Variants in ZFYVE9 observed in about 807,000 individuals in gnomAD.
ZFYVE9 encodes zinc finger FYVE domain-containing protein 9.
In ZFYVE9, 43 loss-of-function variants were observed where a neutral mutation model predicts 126.7. The observed-to-expected ratio is 0.34, with a 90% CI of 0.27 to 0.44. The LOEUF (loss-of-function observed/expected upper bound fraction) is 0.44, where lower values mean the gene tolerates loss of function less well. Ranked by LOEUF, ZFYVE9 falls within the 20% of genes least tolerant of loss-of-function variation. The pLI is 1.00. For missense variants in ZFYVE9, 1,476 were observed against 1,697.0 expected (o/e 0.87, Z 2.29); for synonymous variants, 521 against 597.4 (o/e 0.87, Z 1.87).
intron 4 of ZFYVE9, among the ~76,000 whole-genome samples, chr1:52,257,205 G>A (rs530418703): frequency 1.3e-5 from 2 of 152,182 alleles, no homozygotes; most frequent in South Asian, 4.1e-4. Context: ...AATAAGAAAG[G>A]TACCAACATA....
At chr1:52,332,709 C>T in intron 13 of ZFYVE9, 59 bp from the exon 14 acceptor site, 1 of 1,572,224 alleles carries the variant, frequency 6.4e-7, no homozygotes, top group East Asian at 2.3e-5. Flanking sequence ...TGGAGTTGCA[C>T]CATGTCAGAC....
At chr1:52,330,064 TAAAA>T (rs1195484001) in intron 13 of ZFYVE9, among the ~76,000 whole-genome samples, 4 of 151,024 alleles carry the variant, frequency 2.6e-5, no homozygotes, top group Non-Finnish European at 4.4e-5. Context: ...CCATAGTCTC[TAAAA>T]AAAAGACAAC....
At chr1:52,189,752 G>C (rs1027961657) in intron 1 of ZFYVE9, among the ~76,000 whole-genome samples, 2 of 151,528 alleles carry the variant, frequency 1.3e-5, no homozygotes, top group Admixed American at 6.6e-5. Flanking sequence ...TTGCTCCTAT[G>C]TTTTCTTTGA....
intron 10 of ZFYVE9, among the ~76,000 whole-genome samples, chr1:52,293,228 AG>A (rs1645940217): frequency 6.6e-6 from 1 of 151,910 alleles, no homozygotes; most frequent in Admixed American, 6.6e-5. Context: ...AATACAAAAA[AG>A]TTAGCCAGGT....
At chr1:52,208,396 C>G (rs1434891060) in intron 1 of ZFYVE9, among the ~76,000 whole-genome samples, 1 of 151,954 alleles carries the variant, frequency 6.6e-6, no homozygotes, top group Admixed American at 6.6e-5. Context: ...CTTTTTCTTT[C>G]TTTAAAGGTA....
chr1:52,300,882 CAG>C (rs1368560581), intron 12 of ZFYVE9, among the ~76,000 whole-genome samples: 3 of 145,530 alleles, frequency 2.1e-5, no homozygotes, highest in Non-Finnish European at 3.0e-5. Flanking sequence ...TTTTTTGAGA[CAG>C]AGTCTCACTC....
At chr1:52,324,785 C>T (rs1646275324) in intron 13 of ZFYVE9, among the ~76,000 whole-genome samples, 1 of 152,176 alleles carries the variant, frequency 6.6e-6, no homozygotes, top group East Asian at 1.9e-4. Flanking sequence ...CTGGATCTTC[C>T]TGTCTAAAGC....
At chr1:52,166,662 C>T (rs1644516571) in intron 1 of ZFYVE9, among the ~76,000 whole-genome samples, 1 of 152,030 alleles carries the variant, frequency 6.6e-6, no homozygotes, top group Non-Finnish European at 1.5e-5. Context: ...TGCCTGTAAT[C>T]CCAGCGTGAG....
intron 1 of ZFYVE9, among the ~76,000 whole-genome samples, chr1:52,168,428 G>T (rs988395993): frequency 4.6e-5 from 7 of 151,858 alleles, no homozygotes; most frequent in Admixed American, 2.0e-4. Flanking sequence ...TATTGGTCAG[G>T]CTGGTCTCAA....
chr1:52,153,042 G>A (rs1242277335), intron 1 of ZFYVE9, among the ~76,000 whole-genome samples: 1 of 152,192 alleles, frequency 6.6e-6, no homozygotes, highest in Non-Finnish European at 1.5e-5. Context: ...GGGCAGAAAT[G>A]GCCAGATTTT....
intron 4 of ZFYVE9, among the ~76,000 whole-genome samples, chr1:52,257,476 C>T (rs539654922): frequency 2.0e-5 from 3 of 152,180 alleles, no homozygotes; most frequent in East Asian, 1.9e-4. Context: ...GCTGGAACAT[C>T]GTATAGAATA....
intron 13 of ZFYVE9, among the ~76,000 whole-genome samples, chr1:52,320,084 T>A (rs534084138): frequency 6.9e-4 from 103 of 148,498 alleles, no homozygotes; most frequent in African/African-American, 2.3e-3. Flanking sequence ...GACCTTTATT[T>A]TTTTTGACAG....
intron 1 of ZFYVE9, among the ~76,000 whole-genome samples, chr1:52,184,393 ATTTTTTTT>A (rs57242903): frequency 3.5e-5 from 4 of 115,072 alleles, no homozygotes; most frequent in African/African-American, 1.4e-4. Flanking sequence ...AGTCCAGCTA[ATTTTTTTT>A]TTTTTTTTTT....
At chr1:52,256,946 C>A (rs1645526430) in intron 4 of ZFYVE9, among the ~76,000 whole-genome samples, 1 of 152,132 alleles carries the variant, frequency 6.6e-6, no homozygotes, top group Non-Finnish European at 1.5e-5. Context: ...TTATTTTTGT[C>A]ATAATTATAG....
At chr1:52,335,818 C>A (rs1646383004) in intron 15 of ZFYVE9, among the ~76,000 whole-genome samples, 1 of 152,174 alleles carries the variant, frequency 6.6e-6, no homozygotes, top group Non-Finnish European at 1.5e-5. Flanking sequence ...CAGTAGCTCA[C>A]TCCAAAGCTC....
At chr1:52,195,730 T>C (rs1185617404) in intron 1 of ZFYVE9, among the ~76,000 whole-genome samples, 2 of 152,128 alleles carry the variant, frequency 1.3e-5, no homozygotes, top group Non-Finnish European at 2.9e-5. Flanking sequence ...TTAACTAGTT[T>C]ATGAAAGTTT....
At chr1:52,315,252 A>T (rs1646173330) in intron 13 of ZFYVE9, among the ~76,000 whole-genome samples, 1 of 152,028 alleles carries the variant, frequency 6.6e-6, no homozygotes, top group Non-Finnish European at 1.5e-5. Flanking sequence ...ACAAAATGAG[A>T]CACCATCTTT....
chr1:52,306,147 G>T (rs79462085), intron 13 of ZFYVE9, among the ~76,000 whole-genome samples: 2,141 of 152,266 alleles, frequency 0.014, 69 homozygotes, highest in East Asian at 0.12. Context: ...TGGGAACTTG[G>T]GGTGCCTTTT....
chr1:52,213,420 G>A (rs1038205731), intron 1 of ZFYVE9, among the ~76,000 whole-genome samples: 1 of 152,168 alleles, frequency 6.6e-6, no homozygotes, highest in Non-Finnish European at 1.5e-5. Context: ...GGAGGCTGAG[G>A]TGGGCGGATT....
Sources: gnomAD v4.1 joint callset for allele counts (sites outside exome capture counted in the v4.1 genomes callset) on GRCh38, gnomAD v4.1.1 for gene constraint, MANE v1.5 for transcripts, NCBI Gene and HGNC (gene_info 2026-07-23, HGNC 2026-07-21) for gene names.